Variants in GXYLT1 observed in about 807,000 individuals in gnomAD.
GXYLT1 encodes glycosyltransferase 8 domain containing 3.
GXYLT1 carries 29 observed loss-of-function variants against 54.0 expected under a neutral mutation model. The ratio of observed to expected loss-of-function variants is 0.54; its 90% CI spans 0.40 to 0.73. GXYLT1 has a LOEUF of 0.73. Among genes scored for constraint, GXYLT1 ranks in the 30% least tolerant of loss-of-function variants. The pLI is 0.00. For synonymous variants in GXYLT1, 176 were observed against 204.1 expected, an observed-to-expected ratio of 0.86 and a Z score of 1.17; for missense variants, 490 against 553.4, an observed-to-expected ratio of 0.89 and a Z score of 1.15.
chr12:42,090,335 G>A (rs2065322518), intron 7 of GXYLT1, among the ~76,000 whole-genome samples: 1 of 152,086 alleles, frequency 6.6e-6, no homozygotes, highest in African/African-American at 2.4e-5. Context: ...CCTACATCTA[G>A]GTGTCCCTTT....
intron 1 of GXYLT1, among the ~76,000 whole-genome samples, chr12:42,141,176 C>T (rs542792387): frequency 6.6e-6 from 1 of 152,166 alleles, no homozygotes; most frequent in East Asian, 1.9e-4. Context: ...GGTCCACAAA[C>T]GGGCATGCAA....
At chr12:42,115,497 G>C (rs1024039688) in intron 3 of GXYLT1, among the ~76,000 whole-genome samples, 28 of 152,094 alleles carry the variant, frequency 1.8e-4, no homozygotes, top group Non-Finnish European at 3.4e-4. Context: ...CAGACAACTA[G>C]AGAGCCAAAT....
chr12:42,109,806 G>A, intron 3 of GXYLT1, 115 bp from the exon 4 acceptor site: 1 of 603,694 alleles, frequency 1.7e-6, no homozygotes, highest in Non-Finnish European at 2.7e-6. Flanking sequence ...TACATTTTAT[G>A]CTGTAAAATT....
intron 2 of GXYLT1, among the ~76,000 whole-genome samples, chr12:42,127,811 C>A (rs906924753): frequency 1.3e-5 from 2 of 152,154 alleles, no homozygotes; most frequent in Non-Finnish European, 2.9e-5. Flanking sequence ...TACAAAACTT[C>A]AATTATCCAA....
At chr12:42,109,004 A>G (rs565712639) in intron 4 of GXYLT1, among the ~76,000 whole-genome samples, 2 of 152,252 alleles carry the variant, frequency 1.3e-5, no homozygotes, top group South Asian at 4.1e-4. Flanking sequence ...ATAAAAAAGA[A>G]AAAAAAATCA....
At chr12:42,102,865 T>G (rs1027330030) in intron 5 of GXYLT1, among the ~76,000 whole-genome samples, 4 of 152,102 alleles carry the variant, frequency 2.6e-5, no homozygotes, top group African/African-American at 9.6e-5. Flanking sequence ...GATTAAAAAT[T>G]ATGATTTTTA....
At chr12:42,132,784 GT>G (rs796817205) in intron 1 of GXYLT1, among the ~76,000 whole-genome samples, 105 of 144,314 alleles carry the variant, frequency 7.3e-4, no homozygotes, top group African/African-American at 1.3e-3. Context: ...TTTTTGTTTT[GT>G]TTTTTTTTTT....
chr12:42,082,179 T>C lies in GXYLT1; in HGVS notation c.*5607A>G, dbSNP rs1403497561. On this transcript the variant is annotated 3_prime_UTR_variant, in exon 8 of 8. Coordinates refer to ENST00000398675, the MANE Select transcript of GXYLT1 (RefSeq NM_173601.2). ...AAAATATTAATACATTTATGCAAAA[T>C]GATTGAGAAAATTGAAATACCTGCA... is the stretch of plus-strand genomic sequence containing the variant. 4 of 152,216 alleles carry C rather than the reference T, an allele frequency of 2.6e-5. No individual in the cohort carries two copies. Among genetic ancestry groups the C allele is most frequent in the African/African-American group, 4.8e-5 (2 of 41,460 alleles). The allele number at this position is 152,216 out of a possible 1,614,324, so 9.4% of individuals were successfully genotyped here.
chr12:42,125,020 G>C (rs575913019), intron 2 of GXYLT1, among the ~76,000 whole-genome samples: 1 of 152,120 alleles, frequency 6.6e-6, no homozygotes, highest in Non-Finnish European at 1.5e-5. Flanking sequence ...CAGAGTTAAC[G>C]GTCTAGAAGT....
chr12:42,113,237 A>C (rs2065470384), intron 3 of GXYLT1, among the ~76,000 whole-genome samples: 1 of 151,138 alleles, frequency 6.6e-6, no homozygotes, highest in South Asian at 2.1e-4. Flanking sequence ...CGAGCAAAAT[A>C]ACCAGCTAAC....
Position 42,097,605 on chromosome 12 carries a change from A to C in GXYLT1, c.998T>G (p.Phe333Cys). ...ATAATTCCATTGACACGGAAAAACA[A>C]AAAGGCTTTCTACATAAAGAAAAGA... ...IVFFHNPESL[F>C]VFPCQWNYRP... Residue 333 changes from phenylalanine to cysteine, a missense_variant, in exon 7 of 8, where the codon TTT (phenylalanine) becomes TGT (cysteine). Physicochemically the swap from Phe to Cys is radical, Grantham distance 205. Transcript: ENST00000398675. The C allele has an allele frequency of 6.2e-7, 1 of 1,606,902 alleles. No individual in the cohort carries two copies.
At chr12:42,126,123 G>A (rs28599887) in intron 2 of GXYLT1, among the ~76,000 whole-genome samples, 2,238 of 150,140 alleles carry the variant, frequency 0.015, 56 homozygotes, top group African/African-American at 0.052. Flanking sequence ...ACTCAGGCTG[G>A]AGTGCAGCGG....
At chr12:42,137,132 G>C (rs115456860) in intron 1 of GXYLT1, among the ~76,000 whole-genome samples, 2,293 of 152,244 alleles carry the variant, frequency 0.015, 56 homozygotes, top group African/African-American at 0.053. Flanking sequence ...GGAGGCTTCA[G>C]TGAAAACTAT....
intron 5 of GXYLT1, among the ~76,000 whole-genome samples, chr12:42,102,986 A>C (rs1388961129): frequency 6.6e-6 from 1 of 151,546 alleles, no homozygotes; most frequent in Non-Finnish European, 1.5e-5. Context: ...TCTCACTCAC[A>C]TTGTCACTCT....
intron 3 of GXYLT1, among the ~76,000 whole-genome samples, chr12:42,112,453 TG>T (rs1430774053): frequency 6.6e-6 from 1 of 152,100 alleles, no homozygotes; most frequent in Non-Finnish European, 1.5e-5. Flanking sequence ...TTAAAGGACC[TG>T]ATGGAGCTGA....
chr12:42,105,130 A>G (rs1436381692), intron 5 of GXYLT1, among the ~76,000 whole-genome samples: 5 of 152,230 alleles, frequency 3.3e-5, no homozygotes, highest in African/African-American at 1.2e-4. Context: ...CAGAGCAAGC[A>G]AACTACAGTG....
At chr12:42,119,522 T>C (rs1367577279) in intron 2 of GXYLT1, among the ~76,000 whole-genome samples, 2 of 151,974 alleles carry the variant, frequency 1.3e-5, no homozygotes, top group African/African-American at 2.4e-5. Flanking sequence ...TCAAAATTTT[T>C]ATTTATAAAA....
intron 1 of GXYLT1, among the ~76,000 whole-genome samples, chr12:42,141,699 G>A (rs920355591): frequency 6.6e-6 from 1 of 152,060 alleles, no homozygotes; most frequent in Admixed American, 6.6e-5. Context: ...AAAAATTTAA[G>A]TATTATCTAC....
chr12:42,132,097 T>C (rs894460882), intron 1 of GXYLT1, among the ~76,000 whole-genome samples: 9 of 152,194 alleles, frequency 5.9e-5, no homozygotes, highest in Non-Finnish European at 1.2e-4. Flanking sequence ...AACAATACCA[T>C]TTGCAGCCTC....
Sources: allele counts gnomAD v4.1 joint callset (sites outside exome capture counted in the v4.1 genomes callset), GRCh38; gene constraint gnomAD v4.1.1; transcripts MANE v1.5; gene names NCBI Gene and HGNC (gene_info 2026-07-23, HGNC 2026-07-21).